FGF1: variants seen among roughly 807,000 people sequenced by gnomAD.
The protein encoded by FGF1 is beta-endothelial cell growth factor.
A neutral mutation model predicts 13.4 loss-of-function variants in FGF1; 9 were observed. The observed-to-expected ratio is 0.67, with a 90% confidence interval of 0.40 to 1.17. The LOEUF is 1.17. Among genes scored for constraint, FGF1 ranks in the 50% most tolerant of loss-of-function variants. The pLI is 0.01. For missense variants in FGF1, 156 were observed against 192.7 expected (o/e 0.81, Z 1.13); for synonymous variants, 93 against 79.0 (o/e 1.18, Z -0.94).
chr5:142,651,829 A>AT (rs776252481), intron 1 of FGF1, among the ~76,000 whole-genome samples: 1,465 of 139,834 alleles, frequency 0.01, 27 homozygotes, highest in African/African-American at 0.028. Context: ...TTGGTAGCTC[A>AT]TTTTTTTTTT....
At chr5:142,668,749 A>G (rs1165881425) in intron 1 of FGF1, among the ~76,000 whole-genome samples, 3 of 152,254 alleles carry the variant, frequency 2.0e-5, no homozygotes, top group Non-Finnish European at 4.4e-5. Flanking sequence ...CTAACATCTC[A>G]TAATTTTAGC....
chr5:142,604,894 C>G (rs1174309607), intron 2 of FGF1, among the ~76,000 whole-genome samples: 1 of 152,164 alleles, frequency 6.6e-6, no homozygotes, highest in Non-Finnish European at 1.5e-5. Flanking sequence ...TGCTTGGACC[C>G]TCTTGTGTTC....
At chr5:142,633,649 C>G (rs556171523) in intron 1 of FGF1, among the ~76,000 whole-genome samples, 188 of 152,314 alleles carry the variant, frequency 1.2e-3, no homozygotes, top group Non-Finnish European at 1.2e-3. Flanking sequence ...CCAGTGTGCC[C>G]CAGGCTCACG....
At chr5:142,694,879 T>C (rs1252351090) in intron 2 of FGF1, among the ~76,000 whole-genome samples, 2 of 151,956 alleles carry the variant, frequency 1.3e-5, no homozygotes, top group Non-Finnish European at 2.9e-5. Flanking sequence ...CTGGGTAGAA[T>C]CTAATAAGAA....
rs370054374 is a variant in FGF1, at chr5:142,666,212, G to A, written c.-35+19745C>T. Reference sequence around the variant, plus strand: ...TCTGTATCAGCATCATGGCCCTCGCGAAAAAGGACTTTTCCCTGGTTTCAT... The same window carrying A: ...TCTGTATCAGCATCATGGCCCTCGCAAAAAAGGACTTTTCCCTGGTTTCAT... On this transcript the variant is annotated intron_variant, in intron 1 of 3. Coordinates refer to ENST00000337706, the MANE Select transcript of FGF1 (RefSeq NM_000800.5). Among the ~76,000 whole-genome samples the A allele has an allele frequency of 4.4e-3, 512 of 116,068 alleles. 7 individuals carry two copies. The highest frequency in any genetic ancestry group is 0.02 in the Middle Eastern group (5 of 248). The allele number at this position is 116,068 out of a possible 152,430, so 76.1% of individuals were successfully genotyped here.
At chr5:142,688,554 T>C (rs1210123162), upstream of FGF1, among the ~76,000 whole-genome samples, 1 of 152,260 alleles carries the variant, frequency 6.6e-6, no homozygotes, top group Non-Finnish European at 1.5e-5. Flanking sequence ...CTAGATCGTA[T>C]GCAGAACATG....
At chr5:142,693,691 T>C (rs575767121) in intron 2 of FGF1, among the ~76,000 whole-genome samples, 84 of 152,208 alleles carry the variant, frequency 5.5e-4, no homozygotes, top group Admixed American at 2.7e-3. Context: ...CATTCCCCAT[T>C]CCTCCCTCCT....
At chr5:142,623,746 A>ATTTT (rs11395953) in intron 1 of FGF1, among the ~76,000 whole-genome samples, 2 of 145,954 alleles carry the variant, frequency 1.4e-5, no homozygotes, top group Non-Finnish European at 3.0e-5. Context: ...CATTAAAAAA[A>ATTTT]TTTTTTTTTT....
At chr5:142,679,164 C>G (rs1773224190) in intron 1 of FGF1, among the ~76,000 whole-genome samples, 1 of 152,200 alleles carries the variant, frequency 6.6e-6, no homozygotes. Context: ...TATGGCCGCA[C>G]AGTCTGACCC....
intron 1 of FGF1, among the ~76,000 whole-genome samples, chr5:142,650,152 G>A (rs764633659): frequency 1.1e-4 from 17 of 152,332 alleles, no homozygotes; most frequent in Middle Eastern, 3.4e-3. Flanking sequence ...TGTTTCCTCT[G>A]AGAAGGAGAA....
At position 142,615,493 on chromosome 5, in the gene FGF1, A is replaced by T. The variant is rs187659357; in HGVS notation, c.-34-1332T>A. Among the ~76,000 whole-genome samples, 465 of 152,336 alleles carry T rather than the reference A, an allele frequency of 3.1e-3. 3 individuals are homozygous for T. Among genetic ancestry groups the T allele is most frequent in the African/African-American group, 0.011 (456 of 41,574 alleles). ...TGCCTCGGCCTCCCAAAGTGCTGGG[A>T]TTACAGGCGTAAGCCACCGCGCCCG... On this transcript the variant is annotated intron_variant, in intron 1 of 3. Coordinates refer to ENST00000337706, the MANE Select transcript of FGF1 (RefSeq NM_000800.5).
chr5:142,636,860 C>T (rs1006949253), intron 1 of FGF1, among the ~76,000 whole-genome samples: 1 of 151,998 alleles, frequency 6.6e-6, no homozygotes, highest in Admixed American at 6.5e-5. Context: ...CTGGCAGGGC[C>T]AGGCTACACA....
chr5:142,638,077 G>A (rs1764585705), intron 1 of FGF1, among the ~76,000 whole-genome samples: 1 of 151,968 alleles, frequency 6.6e-6, no homozygotes, highest in Non-Finnish European at 1.5e-5. Flanking sequence ...AACAAAGCCG[G>A]CAGAGCTTTC....
At chr5:142,659,181 A>C in intron 1 of FGF1, among the ~76,000 whole-genome samples, 1 of 147,512 alleles carries the variant, frequency 6.8e-6, no homozygotes, top group African/African-American at 2.5e-5. Context: ...AAAGATAATA[A>C]TTTTTTTTGT....
chr5:142,665,903 A>T (rs1477319237), intron 1 of FGF1, among the ~76,000 whole-genome samples: 3 of 151,976 alleles, frequency 2.0e-5, no homozygotes, highest in Non-Finnish European at 2.9e-5. Context: ...TCATCATCTC[A>T]TGAGCACTCA....
At chr5:142,630,758 C>G (rs988881705) in intron 1 of FGF1, among the ~76,000 whole-genome samples, 2 of 152,186 alleles carry the variant, frequency 1.3e-5, no homozygotes, top group Non-Finnish European at 2.9e-5. Context: ...CCTCCCATGC[C>G]CCTTTCAGAG....
At chr5:142,598,853 G>C (rs1027962239) in intron 3 of FGF1, among the ~76,000 whole-genome samples, 3 of 152,130 alleles carry the variant, frequency 2.0e-5, no homozygotes, top group African/African-American at 7.2e-5. Context: ...TTAGATTCTG[G>C]GAGTTCTCCC....
chr5:142,592,999 C>T lies in FGF1; in HGVS notation c.*2291G>A, dbSNP rs931501569. Reference sequence around the variant, plus strand: ...CCAGTATCCAGTACAGTGCCTAGCACACAGTAGGCACCTTAATAGTCATTG... The same window carrying T: ...CCAGTATCCAGTACAGTGCCTAGCATACAGTAGGCACCTTAATAGTCATTG... On this transcript the variant is annotated 3_prime_UTR_variant, in exon 4 of 4. Transcript: ENST00000337706. 3.3e-5 allele frequency: 5 copies of T among 152,244 alleles called. No homozygotes were observed. The highest frequency in any genetic ancestry group is 6.5e-5 in the Admixed American group (1 of 15,286). The allele number at this position is 152,244 out of a possible 1,614,324, so 9.4% of individuals were successfully genotyped here.
At chr5:142,666,287 C>T (rs926134454) in intron 1 of FGF1, among the ~76,000 whole-genome samples, 26 of 149,666 alleles carry the variant, frequency 1.7e-4, no homozygotes, top group African/African-American at 3.0e-4. Context: ...AATACACACA[C>T]ACACACACAC....
Sources: gnomAD v4.1 joint callset for allele counts (sites outside exome capture counted in the v4.1 genomes callset) on GRCh38, gnomAD v4.1.1 for gene constraint, MANE v1.5 for transcripts, NCBI Gene and HGNC (gene_info 2026-07-23, HGNC 2026-07-21) for gene names.